NAV3: variants seen among roughly 807,000 people sequenced by gnomAD.
The protein encoded by NAV3 is neuron navigator 3.
NAV3 carries 87 observed loss-of-function variants against 244.7 expected under a neutral mutation model. The observed-to-expected ratio is 0.36, with a 90% CI of 0.30 to 0.42. The LOEUF is 0.42. Among genes scored for constraint, NAV3 ranks in the 20% least tolerant of loss-of-function variants. NAV3 has a pLI of 1.00. For missense variants in NAV3, 2,663 were observed against 2,893.3 expected (o/e 0.92, Z 1.83); for synonymous variants, 1,126 against 1,042.2 (o/e 1.08, Z -1.55).
At chr12:77,715,914 T>G (rs1369540569) in intron 2 of NAV3, among the ~76,000 whole-genome samples, 1 of 152,080 alleles carries the variant, frequency 6.6e-6, no homozygotes. Flanking sequence ...TCAGGTACAT[T>G]GCAGGTACTG....
chr12:78,209,851 A>C (rs145879045), intron 39 of NAV3, among the ~76,000 whole-genome samples: 1 of 151,890 alleles, frequency 6.6e-6, no homozygotes, highest in Admixed American at 6.6e-5. Context: ...CTCTTCAAAC[A>C]CTCATGGTCT....
rs552813690 is a variant in NAV3, at chr12:77,637,732, A to G, written c.72+65466A>G. Among the ~76,000 whole-genome samples the G allele has an allele frequency of 2.0e-5, 3 of 152,310 alleles. No homozygotes were observed. The South Asian group carries it at 6.2e-4, about 32-fold the overall frequency. ...ATGCTGCCTCTCACAAATATCTTCT[A>G]AATGCCTAATTTAATAGTTCAGTCA... On this transcript the variant is annotated intron_variant, in intron 2 of 8. Coordinates refer to the NAV3 transcript ENST00000550042.
intron 2 of NAV3, among the ~76,000 whole-genome samples, chr12:77,663,910 A>C (rs576440349): frequency 2.1e-4 from 32 of 152,342 alleles, no homozygotes; most frequent in Admixed American, 7.2e-4. Flanking sequence ...ATATGTGTAC[A>C]TATTGTTTTG....
rs543105693 is a variant in NAV3, at chr12:78,044,543, T to C, written c.2024-5450T>C. Among the ~76,000 whole-genome samples the C allele has an allele frequency of 3.9e-5, 6 of 152,348 alleles. No individual in the cohort carries two copies. In the East Asian group the frequency reaches 7.7e-4, roughly 20 times the overall value. On this transcript the variant is annotated intron_variant, in intron 9 of 39. Transcript: ENST00000397909. The stretch of plus-strand genomic sequence containing the variant: ...GGGCAGTATGACCATTTTCATGATA[T>C]TGATTCTTCCTATCCATGAGCATGG...
At chr12:77,943,641 A>G (rs934459318) in intron 3 of NAV3, among the ~76,000 whole-genome samples, 1 of 152,216 alleles carries the variant, frequency 6.6e-6, no homozygotes, top group Admixed American at 6.5e-5. Flanking sequence ...AATTTCATGT[A>G]TCTACTCCAA....
chr12:77,942,249 A>G (rs1011272319), intron 3 of NAV3, among the ~76,000 whole-genome samples: 1 of 151,914 alleles, frequency 6.6e-6, no homozygotes, highest in Non-Finnish European at 1.5e-5. Context: ...GCGCATGCCT[A>G]TAATCCCAGC....
chr12:77,722,331 T>A (rs1205977310), intron 2 of NAV3, among the ~76,000 whole-genome samples: 3 of 152,088 alleles, frequency 2.0e-5, no homozygotes, highest in Non-Finnish European at 4.4e-5. Flanking sequence ...TTTTCTATAA[T>A]TAATATACTC....
intron 22 of NAV3, among the ~76,000 whole-genome samples, chr12:78,157,570 T>A (rs1957357738): frequency 6.6e-6 from 1 of 151,726 alleles, no homozygotes; most frequent in Non-Finnish European, 1.5e-5. Flanking sequence ...AAGAATAAAA[T>A]AAATAATTAA....
chr12:78,170,924 TTTTA>T (rs1957974093), intron 24 of NAV3, among the ~76,000 whole-genome samples: 1 of 151,752 alleles, frequency 6.6e-6, no homozygotes, highest in African/African-American at 2.4e-5. Context: ...ACTTTGGGGC[TTTTA>T]TTTAAGGTAT....
intron 5 of NAV3, among the ~76,000 whole-genome samples, chr12:77,976,674 C>CTTTTTTTTTTTTTTTTTTTTTTTTT (rs869041498): frequency 4.8e-5 from 4 of 83,430 alleles, no homozygotes; most frequent in Non-Finnish European, 4.5e-5. Flanking sequence ...TTCTTTTTTT[C>CTTTTTTTTTTTTTTTTTTTTTTTTT]TTTTTTTTTT....
chr12:77,648,206 C>T (rs1872682360), intron 2 of NAV3, among the ~76,000 whole-genome samples: 2 of 152,016 alleles, frequency 1.3e-5, no homozygotes, highest in African/African-American at 4.8e-5. Flanking sequence ...GAGCCAAGAA[C>T]CTGCTGGAAT....
At chr12:78,188,188 T>C (rs1958811384) in intron 31 of NAV3, 60 bp from the exon 32 acceptor site, 2 of 1,225,960 alleles carry the variant, frequency 1.6e-6, no homozygotes, top group South Asian at 1.3e-5. Context: ...TAGTAGAAAA[T>C]GTAGTAATAA....
intron 12 of NAV3, among the ~76,000 whole-genome samples, chr12:78,072,327 G>C (rs1198327290): frequency 7.3e-5 from 10 of 137,054 alleles, no homozygotes; most frequent in Non-Finnish European, 1.4e-4. Flanking sequence ...GAATCAAATA[G>C]ACACAATAAA....
intron 16 of NAV3, among the ~76,000 whole-genome samples, chr12:78,122,876 A>G (rs958318402): frequency 6.6e-6 from 1 of 150,742 alleles, no homozygotes; most frequent in African/African-American, 2.5e-5. Flanking sequence ...AAAATAGCAG[A>G]TGGATTGCTG....
At position 78,128,843 on chromosome 12, in the gene NAV3, G is replaced by T. The variant is rs1353069416; in HGVS notation, c.4418G>T (p.Gly1473Val). The T allele has an allele frequency of 2.5e-6, 4 of 1,613,512 alleles. No individual in the cohort carries two copies. The change falls in exon 18 of 40, where the codon GGA becomes GTA. Residue 1473 changes from glycine (G) to valine (V), a missense_variant. Around this residue, in one of 6 missense-constraint regions of NAV3, gnomAD observed 354 missense variants for 413.0 expected, o/e 0.86. Transcript: ENST00000397909. ...TCTGCCATGTCATCTTCTGCAGCTGGAAAATACCACTTTTCTAACTTGGGT... is the reference window on the plus strand; with the variant it reads ...TCTGCCATGTCATCTTCTGCAGCTGTAAAATACCACTTTTCTAACTTGGGT... ...SPSAMSSSAA[G>V]KYHFSNLVSP...
chr12:77,766,735 G>GTTTTTGT, intron 2 of NAV3, among the ~76,000 whole-genome samples: 1 of 60,514 alleles, frequency 1.7e-5, no homozygotes, highest in African/African-American at 6.3e-5. Context: ...AGGCAATTAA[G>GTTTTTGT]TTTTTTTTTT....
chr12:77,672,555 T>C (rs1232781569), intron 2 of NAV3, among the ~76,000 whole-genome samples: 1 of 152,120 alleles, frequency 6.6e-6, no homozygotes, highest in Non-Finnish European at 1.5e-5. Flanking sequence ...TGTGTATGTG[T>C]GTGTGTGTGT....
At chr12:78,201,001 CCTCCCTCCCTCT>C (rs1180472218) in intron 38 of NAV3, among the ~76,000 whole-genome samples, 1 of 148,630 alleles carries the variant, frequency 6.7e-6, no homozygotes, top group African/African-American at 2.5e-5. Context: ...TCACTCCCTC[CCTCCCTCCCTCT>C]CCCCCTCCCC....
chr12:78,096,907 T>C (rs938415425), intron 12 of NAV3, among the ~76,000 whole-genome samples: 3 of 152,218 alleles, frequency 2.0e-5, no homozygotes, highest in South Asian at 2.1e-4. Context: ...TCTCTCTGCC[T>C]TGCTTCTGCT....
Sources: gnomAD v4.1 joint callset for allele counts (sites outside exome capture counted in the v4.1 genomes callset) on GRCh38, gnomAD v4.1.1 for gene constraint, gnomAD v4.1.1 regional missense constraint, MANE v1.5 for transcripts, NCBI Gene and HGNC (gene_info 2026-07-23, HGNC 2026-07-21) for gene names.